The following ETV1 variants were observed in gnomAD, a reference collection of about 807,000 sequenced individuals.
The protein encoded by ETV1 is ETS variant transcription factor 1, also known as ETS translocation variant 1.
ETV1 carries 27 observed loss-of-function variants against 62.3 expected under a neutral mutation model. That is an observed-to-expected ratio of 0.43 (90% CI 0.32 to 0.60). ETV1 has a LOEUF of 0.60. Among genes scored for constraint, ETV1 ranks in the 20% least tolerant of loss-of-function variants. ETV1 has a pLI of 0.06. For synonymous variants in ETV1, 222 were observed against 199.6 expected, an observed-to-expected ratio of 1.11 and a Z score of -0.94; for missense variants, 605 against 605.8, an observed-to-expected ratio of 1.00 and a Z score of 0.01.
chr7:13,913,772 A>T (rs1472048534), intron 9 of ETV1, among the ~76,000 whole-genome samples: 4 of 152,008 alleles, frequency 2.6e-5, no homozygotes, highest in Non-Finnish European at 5.9e-5. Flanking sequence ...TTTTTCACAA[A>T]TCTATCTATT....
intron 9 of ETV1, among the ~76,000 whole-genome samples, chr7:13,918,199 C>T (rs1583623525): frequency 6.6e-6 from 1 of 152,084 alleles, no homozygotes; most frequent in East Asian, 1.9e-4. Flanking sequence ...ATTTGCTTTG[C>T]ATATGAATAA....
rs1781534879 is a variant in ETV1 at position 13,893,677 on chromosome 7, A to AAT, written c.*2187_*2188dup. 1 of 232,666 alleles carries AAT rather than the reference A, an allele frequency of 4.3e-6. No individual in the cohort carries two copies. The highest frequency in any genetic ancestry group is 8.5e-6 in the Non-Finnish European group (1 of 117,574). The allele number at this position is 232,666 out of a possible 1,614,324, so 14.4% of individuals were successfully genotyped here. ...AATCCTCAATACAGTTTTCATTCAG[A>AAT]ATATATTTTAAAGACTCACTTAAAT... On this transcript the variant is annotated 3_prime_UTR_variant, in exon 14 of 14. Transcript: ENST00000430479.
At chr7:13,986,419 G>C in intron 5 of ETV1, 1 of 1,486,588 alleles carries the variant, frequency 6.7e-7, no homozygotes, top group East Asian at 2.5e-5. Flanking sequence ...TTGTGAGCTG[G>C]AAGCAATTTC....
intron 12 of ETV1, among the ~76,000 whole-genome samples, chr7:13,904,813 C>T (rs1782791224): frequency 6.6e-6 from 1 of 151,796 alleles, no homozygotes; most frequent in South Asian, 2.1e-4. Flanking sequence ...TTGTTAAATG[C>T]TTCTAGTCTC....
intron 6 of ETV1, among the ~76,000 whole-genome samples, chr7:13,970,680 T>G (rs1351761515): frequency 6.6e-6 from 1 of 152,054 alleles, no homozygotes; most frequent in Middle Eastern, 3.2e-3. Context: ...GTTTTCAAAA[T>G]TAGTAATAAA....
intron 5 of ETV1, among the ~76,000 whole-genome samples, chr7:13,983,621 C>CTTTTTTTT (rs34955846): frequency 6.9e-6 from 1 of 144,828 alleles, no homozygotes. Context: ...TATTCCCTGA[C>CTTTTTTTT]TTTTTTTTTT....
intron 6 of ETV1, among the ~76,000 whole-genome samples, chr7:13,951,819 G>A (rs1209688848): frequency 6.6e-6 from 1 of 152,088 alleles, no homozygotes; most frequent in Non-Finnish European, 1.5e-5. Context: ...ATTTAATGAC[G>A]TAACACATAA....
intron 13 of ETV1, among the ~76,000 whole-genome samples, chr7:13,899,132 C>A (rs553899182): frequency 4.9e-4 from 74 of 152,196 alleles, no homozygotes; most frequent in Middle Eastern, 3.4e-3. Context: ...GCAATACTGC[C>A]CGGGGACACT....
intron 6 of ETV1, among the ~76,000 whole-genome samples, chr7:13,953,770 T>A (rs189504210): frequency 6.0e-4 from 91 of 152,180 alleles, no homozygotes; most frequent in African/African-American, 2.1e-3. Flanking sequence ...AGTGCTGTCC[T>A]CTGTAGGCAA....
Position 13,903,896 on chromosome 7 carries a change from C to T in ETV1, c.1110+2534G>A, listed in dbSNP as rs144255793. Among the ~76,000 whole-genome samples, 938 of 152,072 alleles carry T rather than the reference C, an allele frequency of 6.2e-3. 9 individuals are homozygous for T. The highest frequency in any genetic ancestry group is 0.022 in the African/African-American group (916 of 41,464). ...AAGATTATGCGTTTTCTAAAGTTAC[C>T]CTAAACACACTGAGCAGATAATCTG... On this transcript the variant is annotated intron_variant, in intron 12 of 13. Coordinates refer to ENST00000430479, the MANE Select transcript of ETV1 (RefSeq NM_004956.5).
chr7:13,919,203 A>T (rs1268741350), intron 9 of ETV1, among the ~76,000 whole-genome samples: 2 of 152,180 alleles, frequency 1.3e-5, no homozygotes, highest in African/African-American at 4.8e-5. Flanking sequence ...TTGCCCTTTT[A>T]TAAATGAAGA....
chr7:13,962,484 T>C (rs1170517329), intron 6 of ETV1, among the ~76,000 whole-genome samples: 1 of 152,078 alleles, frequency 6.6e-6, no homozygotes, highest in African/African-American at 2.4e-5. Flanking sequence ...TGAAATAATA[T>C]AAAAAAGTAG....
intron 5 of ETV1, among the ~76,000 whole-genome samples, chr7:13,985,146 C>T (rs1401077019): frequency 6.6e-6 from 1 of 152,000 alleles, no homozygotes; most frequent in Non-Finnish European, 1.5e-5. Flanking sequence ...AATAAATTCT[C>T]TCATAAAGGT....
At chr7:13,927,132 A>T (rs1234698141) in intron 9 of ETV1, among the ~76,000 whole-genome samples, 1 of 152,150 alleles carries the variant, frequency 6.6e-6, no homozygotes, top group Non-Finnish European at 1.5e-5. Context: ...TGGATCATAG[A>T]TGCTGAGTTA....
intron 9 of ETV1, among the ~76,000 whole-genome samples, chr7:13,925,101 TG>T (rs1785257661): frequency 6.6e-6 from 1 of 152,214 alleles, no homozygotes; most frequent in Non-Finnish European, 1.5e-5. Flanking sequence ...GCTCAAAGTA[TG>T]CAGCATTGTC....
chr7:13,986,314 C>G (rs1402812250), intron 5 of ETV1: 1 of 1,502,258 alleles, frequency 6.7e-7, no homozygotes, highest in African/African-American at 1.4e-5. Flanking sequence ...TCTGGAGGTA[C>G]AATAATATAA....
At chr7:13,986,216 A>C in intron 5 of ETV1, 6 of 1,564,830 alleles carry the variant, frequency 3.8e-6, no homozygotes, top group Non-Finnish European at 5.2e-6. Flanking sequence ...TTCTGCCATC[A>C]GAAAAGTCCT....
At chr7:13,902,492 T>G (rs1425083863) in intron 12 of ETV1, among the ~76,000 whole-genome samples, 1 of 150,850 alleles carries the variant, frequency 6.6e-6, no homozygotes, top group Non-Finnish European at 1.5e-5. Context: ...AATGTAAATC[T>G]TCTGAGCAAT....
chr7:13,988,620 G>A (rs878974753), intron 3 of ETV1: 219 of 1,095,924 alleles, frequency 2.0e-4, no homozygotes, highest in South Asian at 1.3e-3. Flanking sequence ...GAGAAAATGA[G>A]AAAAAAAAAA....
Sources: allele counts gnomAD v4.1 joint callset (sites outside exome capture counted in the v4.1 genomes callset), GRCh38; gene constraint gnomAD v4.1.1; transcripts MANE v1.5; gene names NCBI Gene and HGNC (gene_info 2026-07-23, HGNC 2026-07-21).